The following TIAL1 variants were observed in gnomAD, a reference collection of about 807,000 sequenced individuals.
TIAL1 encodes nucleolysin TIAR.
A neutral mutation model predicts 59.7 loss-of-function variants in TIAL1; 7 were observed. The ratio of observed to expected loss-of-function variants is 0.12; its 90% CI spans 0.07 to 0.22. The LOEUF (loss-of-function observed/expected upper bound fraction) is 0.22, where lower values mean the gene tolerates loss of function less well. TIAL1 is among the 10% of genes least tolerant of loss of function. The pLI is 1.00. For missense variants in TIAL1, 225 were observed against 462.5 expected (o/e 0.49, Z 4.71); for synonymous variants, 149 against 146.3 (o/e 1.02, Z -0.13).
At chr10:119,590,820 GA>G (rs780101655) in intron 1 of TIAL1, among the ~76,000 whole-genome samples, 3 of 147,044 alleles carry the variant, frequency 2.0e-5, no homozygotes, top group African/African-American at 7.6e-5. Flanking sequence ...AAGAAAGAAA[GA>G]AACGAACAAG....
intron 1 of TIAL1, among the ~76,000 whole-genome samples, 175 bp downstream of exon 1, chr10:119,596,259 G>A (rs1488227146): frequency 1.3e-5 from 2 of 152,160 alleles, no homozygotes; most frequent in Non-Finnish European, 2.9e-5. Context: ...GGGAAGGGAG[G>A]ATTTCCTTCC....
rs116820633 is a variant in TIAL1, at chr10:119,587,757, G to A, written c.129+395C>T. Among the ~76,000 whole-genome samples the A allele has an allele frequency of 6.1e-3, 928 of 152,256 alleles. 4 individuals carry two copies. The highest frequency in any genetic ancestry group is 0.021 in the African/African-American group (883 of 41,540). ...AGGTAAGTATTTGCTACAGACACAC[G>A]AGACGAACGGTGCTGCACACTACAC... On this transcript the variant is annotated intron_variant, in intron 2 of 11. Transcript: ENST00000436547.
At chr10:119,595,044 G>A (rs908894401) in intron 1 of TIAL1, among the ~76,000 whole-genome samples, 4 of 152,206 alleles carry the variant, frequency 2.6e-5, no homozygotes, top group Non-Finnish European at 5.9e-5. Context: ...CATTGGATGT[G>A]CTTCAGTAGG....
Position 119,578,841 on chromosome 10 carries a change from A to T in TIAL1, c.448-7T>A, listed in dbSNP as rs369905551. ...CAATCGCATTTTCTGCATCCTATGG[A>T]TAAAAAAGAAAGCACAATCACAAAG... On this transcript the variant is annotated splice_region_variant and splice_polypyrimidine_tract_variant and intron_variant, in intron 6 of 11. Transcript: ENST00000436547. The T allele has an allele frequency of 2.5e-6, 4 of 1,609,794 alleles. No homozygotes were observed. The African/African-American group carries it at 5.3e-5, about 22-fold the overall frequency.
intron 1 of TIAL1, among the ~76,000 whole-genome samples, chr10:119,596,068 C>T (rs1008524763): frequency 3.6e-4 from 55 of 152,060 alleles, no homozygotes; most frequent in African/African-American, 1.3e-3. Flanking sequence ...CAGGCCCTTC[C>T]CCCGTGGGCG....
intron 1 of TIAL1, chr10:119,592,108 TAATTGCTACCTAAA>T (rs773215265): frequency 2.0e-5 from 3 of 152,204 alleles, no homozygotes; most frequent in Admixed American, 6.5e-5. Context: ...TTTAAATATA[TAATTGCTACCTAAA>T]GAACATACAC....
intron 6 of TIAL1, among the ~76,000 whole-genome samples, chr10:119,579,569 G>A (rs1203973469): frequency 1.3e-5 from 2 of 152,068 alleles, no homozygotes; most frequent in African/African-American, 4.8e-5. Context: ...TAATTTAAAA[G>A]GTAGAGTTAA....
Position 119,581,964 on chromosome 10 carries a change from G to C in TIAL1, c.329C>G (p.Thr110Arg), listed in dbSNP as rs1452959236. The C allele has an allele frequency of 6.2e-7, 1 of 1,613,410 alleles. No homozygotes were observed. The highest frequency in any genetic ancestry group is 8.5e-7 in the Non-Finnish European group (1 of 1,179,654). Reference protein sequence around the residue: ...FVGDLSPEITTEDIKSAFAPF... With the variant: ...FVGDLSPEITREDIKSAFAPF... ...GGCAAATGCTGATTTGATATCTTCT[G>C]TTGTAATTTCTGGACTCAAATCCCC... The change falls in exon 5 of 12, where the codon ACA becomes AGA. Residue 110 changes from threonine to arginine, a missense_variant. Physicochemically the swap from Thr to Arg is moderately conservative, Grantham distance 71. Around this residue, in one of 4 missense-constraint regions of TIAL1, gnomAD observed 38 missense variants for 173.0 expected, o/e 0.22. Coordinates refer to ENST00000436547, the MANE Select transcript of TIAL1 (RefSeq NM_003252.4).
intron 7 of TIAL1, among the ~76,000 whole-genome samples, chr10:119,578,036 C>T (rs1845099121): frequency 6.6e-6 from 1 of 151,984 alleles, no homozygotes; most frequent in South Asian, 2.1e-4. Flanking sequence ...ACCAGCCTGA[C>T]CAACACGGTG....
At chr10:119,587,550 C>A (rs1446444197) in intron 2 of TIAL1, among the ~76,000 whole-genome samples, 2 of 151,958 alleles carry the variant, frequency 1.3e-5, no homozygotes, top group East Asian at 3.9e-4. Context: ...CTGTAAAATT[C>A]TCTGGGCCAA....
chr10:119,590,421 T>C (rs1234964735), intron 1 of TIAL1, among the ~76,000 whole-genome samples: 1 of 152,000 alleles, frequency 6.6e-6, no homozygotes, highest in Non-Finnish European at 1.5e-5. Flanking sequence ...GTAAGAAAAA[T>C]GAACAAGTGA....
intron 7 of TIAL1, 107 bp from the exon 8 acceptor site, chr10:119,577,843 A>T (rs1254127652): frequency 1.1e-6 from 1 of 949,676 alleles, no homozygotes; most frequent in Non-Finnish European, 1.6e-6. Context: ...GGCACCCAGC[A>T]CTTTGGGAGG....
intron 5 of TIAL1, among the ~76,000 whole-genome samples, chr10:119,581,339 CAAA>C (rs1396897738): frequency 6.6e-6 from 1 of 151,780 alleles, no homozygotes; most frequent in Non-Finnish European, 1.5e-5. Context: ...ATATCACTAA[CAAA>C]AACATCTAAT....
At position 119,582,171 on chromosome 10, in the gene TIAL1, G is replaced by A; in HGVS notation, c.281C>T (p.Ser94Phe). ...TAAAATGCAGCAGGAGTACTTACTGGAAGTATCTTTTTTCTGGCTACTTGG... is the reference window on the plus strand; with the variant it reads ...TAAAATGCAGCAGGAGTACTTACTGAAAGTATCTTTTTTCTGGCTACTTGG... Reference protein sequence around the residue: ...TTPSSQKKDTSNHFHVFVGDL... With the variant: ...TTPSSQKKDTFNHFHVFVGDL... The change falls in exon 4 of 12, where the codon TCC (serine) becomes TTC (phenylalanine). Residue 94 changes from serine (S) to phenylalanine (F), a missense_variant and splice_region_variant. Physicochemically the swap from Ser to Phe is radical, Grantham distance 155 (BLOSUM62 -2). This residue lies in a region of TIAL1 where 38 missense variants were observed against 173.0 expected (regional missense o/e 0.22). Coordinates refer to ENST00000436547, the MANE Select transcript of TIAL1 (RefSeq NM_003252.4). The surrounding 1 kb of genome is among the most constrained non-coding windows in gnomAD (Gnocchi z 5.1). 1 of 1,607,564 alleles carries A rather than the reference G, an allele frequency of 6.2e-7. No individual in the cohort carries two copies. The highest frequency in any genetic ancestry group is 8.5e-7 in the Non-Finnish European group (1 of 1,177,834).
intron 1 of TIAL1, among the ~76,000 whole-genome samples, chr10:119,590,640 G>A (rs891519353): frequency 6.6e-6 from 1 of 152,006 alleles, no homozygotes; most frequent in Non-Finnish European, 1.5e-5. Context: ...AACCTGGGAG[G>A]CAGAGGTTGC....
rs1844883262 is a variant in TIAL1 at position 119,574,604 on chromosome 10, A to AAAAAAAAAAAAAAAAAAC, written c.*1060_*1061insGTTTTTTTTTTTTTTTTT. On this transcript the variant is annotated 3_prime_UTR_variant, in exon 12 of 12. Coordinates refer to ENST00000436547, the MANE Select transcript of TIAL1 (RefSeq NM_003252.4). ...TGTAAAGCAAAAAAAAAAAAAAAAAAAAACAAAAACAAAAAACTAATTCCC... is the reference window on the plus strand; with the variant it reads ...TGTAAAGCAAAAAAAAAAAAAAAAAAAAAAAAAAAAAAAAAAACAAACAAAAACAAAAAACTAATTCCC... The AAAAAAAAAAAAAAAAAAC allele has an allele frequency of 1.3e-5, 2 of 149,098 alleles. No homozygotes were observed. 9.2% of individuals were successfully genotyped at this position (149,098 alleles called of 1,614,324 possible).
chr10:119,596,668 A>C lies in TIAL1; in HGVS notation c.-203T>G. ...AGGAGCAGGAGGAGGAGGAGGATGA[A>C]CAAAATGGCCGCCGCCACCAGCCAG... On this transcript the variant is annotated 5_prime_UTR_variant, in exon 1 of 12. Coordinates refer to ENST00000436547, the MANE Select transcript of TIAL1 (RefSeq NM_003252.4). The C allele has an allele frequency of 1.7e-6, 1 of 591,642 alleles. No homozygotes were observed. The highest frequency in any genetic ancestry group is 2.9e-5 in the East Asian group (1 of 34,766). The allele number at this position is 591,642 out of a possible 1,614,324, so 36.6% of individuals were successfully genotyped here. A position where few individuals can be genotyped will look rare whatever the true frequency, so the allele number is the denominator to read the frequency against.
intron 1 of TIAL1, among the ~76,000 whole-genome samples, chr10:119,589,777 T>C (rs1845758268): frequency 1.3e-5 from 2 of 152,222 alleles, no homozygotes; most frequent in African/African-American, 4.8e-5. Flanking sequence ...TTTATCTAAA[T>C]AAATTGCCAA....
chr10:119,590,766 A>AAGAG (rs775353956), intron 1 of TIAL1, among the ~76,000 whole-genome samples: 1,832 of 56,320 alleles, frequency 0.033, 25 homozygotes, highest in South Asian at 0.072. Context: ...GAAAGAGAGA[A>AAGAG]AGAAAGAAAG....
Sources: gnomAD v4.1 joint callset for allele counts (sites outside exome capture counted in the v4.1 genomes callset) on GRCh38, gnomAD v4.1.1 for gene constraint, gnomAD v4.1.1 regional missense constraint, Gnocchi (gnomAD v3.1) non-coding constraint, MANE v1.5 for transcripts, NCBI Gene and HGNC (gene_info 2026-07-23, HGNC 2026-07-21) for gene names.